The following SCAF4 variants were observed in gnomAD, a reference collection of about 807,000 sequenced individuals.
SCAF4 encodes SR-related and CTD-associated factor 4.
SCAF4 carries 25 observed loss-of-function variants against 129.8 expected under a neutral mutation model. The ratio of observed to expected loss-of-function variants is 0.19; its 90% CI spans 0.14 to 0.27. The LOEUF is 0.27. SCAF4 is among the 10% of genes least tolerant of loss of function. The probability of loss-of-function intolerance (pLI) is 1.00; values close to 1 mark genes in which losing one functional copy is unlikely to be tolerated. For missense variants in SCAF4, 1,246 were observed against 1,457.1 expected (o/e 0.86, Z 2.36); for synonymous variants, 551 against 497.7 (o/e 1.11, Z -1.43).
At chr21:31,721,351 T>G (rs571254715) in intron 1 of SCAF4, among the ~76,000 whole-genome samples, 1 of 152,216 alleles carries the variant, frequency 6.6e-6, no homozygotes, top group Non-Finnish European at 1.5e-5. Flanking sequence ...AACTAAGTCA[T>G]GTATGGCCAT....
chr21:31,680,576 CTTATAAT>C (rs2049972922), intron 19 of SCAF4, among the ~76,000 whole-genome samples: 1 of 152,094 alleles, frequency 6.6e-6, no homozygotes, highest in Non-Finnish European at 1.5e-5. Flanking sequence ...ATCACTCTAG[CTTATAAT>C]TTAATGTAAC....
At chr21:31,698,069 G>A (rs546115932) in intron 7 of SCAF4, among the ~76,000 whole-genome samples, 2 of 152,146 alleles carry the variant, frequency 1.3e-5, no homozygotes, top group African/African-American at 2.4e-5. Flanking sequence ...GGTCAAAGTC[G>A]CCTATAAAAA....
At chr21:31,693,968 C>T (rs1463930670) in intron 11 of SCAF4, among the ~76,000 whole-genome samples, 2 of 151,462 alleles carry the variant, frequency 1.3e-5, no homozygotes, top group African/African-American at 2.4e-5. Context: ...ATTATATCTT[C>T]AAAATTCCGT....
chr21:31,717,864 C>CACACACATAT (rs1484151171), intron 1 of SCAF4, among the ~76,000 whole-genome samples: 6 of 121,996 alleles, frequency 4.9e-5, no homozygotes, highest in Non-Finnish European at 8.2e-5. Flanking sequence ...CACACACACA[C>CACACACATAT]ACACACATAT....
chr21:31,700,096 G>A (rs1026939449), intron 7 of SCAF4, among the ~76,000 whole-genome samples: 1 of 151,400 alleles, frequency 6.6e-6, no homozygotes, highest in African/African-American at 2.4e-5. Flanking sequence ...GGGTAGCTAG[G>A]GCTACAGGTG....
chr21:31,690,270 A>G (rs1274607059), intron 15 of SCAF4, among the ~76,000 whole-genome samples: 1 of 152,072 alleles, frequency 6.6e-6, no homozygotes, highest in Admixed American at 6.5e-5. Context: ...GGATCATTTG[A>G]GGTCAGGAGT....
At chr21:31,703,258 T>G (rs1035820712) in intron 4 of SCAF4, among the ~76,000 whole-genome samples, 1 of 152,122 alleles carries the variant, frequency 6.6e-6, no homozygotes, top group African/African-American at 2.4e-5. Context: ...CACAAGCACA[T>G]CTTTCCAACG....
chr21:31,685,027 A>G (rs2050083497), intron 19 of SCAF4, 22 bp downstream of exon 19: 2 of 1,444,822 alleles, frequency 1.4e-6, no homozygotes, highest in Non-Finnish European at 1.9e-6. Context: ...AGGAAAACTA[A>G]TGATAAAAAA....
chr21:31,727,444 A>G (rs1409325631), intron 1 of SCAF4, among the ~76,000 whole-genome samples: 2 of 152,214 alleles, frequency 1.3e-5, no homozygotes, highest in African/African-American at 4.8e-5. Context: ...GCAAGATACA[A>G]TTCTTCAGGA....
chr21:31,728,860 A>G (rs1355727523), intron 1 of SCAF4, among the ~76,000 whole-genome samples: 2 of 151,920 alleles, frequency 1.3e-5, no homozygotes, highest in African/African-American at 2.4e-5. Context: ...AATCAAACAC[A>G]TTTTCTTCTC....
Position 31,712,884 on chromosome 21 carries a change from T to C in SCAF4, c.31-6527A>G, listed in dbSNP as rs1419059121. 7 of 973,136 alleles carry C rather than the reference T, an allele frequency of 7.2e-6. No homozygotes were observed. In the South Asian group the frequency reaches 1.9e-4, roughly 26 times the overall value. The allele number at this position is 973,136 out of a possible 1,614,324, so 60.3% of individuals were successfully genotyped here. A position where few individuals can be genotyped will look rare whatever the true frequency, so the allele number is the denominator to read the frequency against. ...ATGGCCTTCTTTATAAAACTGTTAATAGCATGAAATGAAAGCATCTAAAAT... is the reference window on the plus strand; with the variant it reads ...ATGGCCTTCTTTATAAAACTGTTAACAGCATGAAATGAAAGCATCTAAAAT... On this transcript the variant is annotated intron_variant, in intron 1 of 19. Coordinates refer to ENST00000286835, the MANE Select transcript of SCAF4 (RefSeq NM_020706.2).
At chr21:31,692,184 G>T in intron 13 of SCAF4, 165 bp downstream of exon 13, 1 of 595,426 alleles carries the variant, frequency 1.7e-6, no homozygotes. Flanking sequence ...AGAATTCTAA[G>T]AAATGTTAAA....
At chr21:31,699,116 TA>T (rs2050457135) in intron 7 of SCAF4, among the ~76,000 whole-genome samples, 1 of 152,038 alleles carries the variant, frequency 6.6e-6, no homozygotes, top group Admixed American at 6.5e-5. Context: ...GATGCAGAAA[TA>T]AACAAATATA....
intron 4 of SCAF4, 45 bp downstream of exon 4, chr21:31,703,720 A>G (rs2050588332): frequency 3.8e-6 from 4 of 1,048,928 alleles, no homozygotes; most frequent in Non-Finnish European, 2.7e-6. Context: ...ATTTAAAATA[A>G]TATTTTTTAA....
intron 7 of SCAF4, among the ~76,000 whole-genome samples, chr21:31,699,315 G>C (rs943337198): frequency 1.3e-5 from 2 of 152,020 alleles, no homozygotes; most frequent in Admixed American, 6.6e-5. Context: ...CTAGAATATA[G>C]AAATCTTTTC....
At chr21:31,714,247 C>T (rs2050873715) in intron 1 of SCAF4, among the ~76,000 whole-genome samples, 1 of 152,130 alleles carries the variant, frequency 6.6e-6, no homozygotes, top group Non-Finnish European at 1.5e-5. Flanking sequence ...AGGTGCAGAG[C>T]TCCCCCAACA....
At chr21:31,691,723 C>A in intron 14 of SCAF4, 94 bp downstream of exon 14, 12 of 399,626 alleles carry the variant, frequency 3.0e-5, no homozygotes, top group East Asian at 8.3e-5. Context: ...TGTTGAAAGT[C>A]ATTTCGAAGA....
At chr21:31,703,027 A>G (rs1044094280) in intron 4 of SCAF4, among the ~76,000 whole-genome samples, 3 of 152,132 alleles carry the variant, frequency 2.0e-5, no homozygotes, top group East Asian at 3.9e-4. Flanking sequence ...GTCAGCTACT[A>G]TATCTGTAAT....
At chr21:31,678,728 C>T (rs2049924962) in intron 19 of SCAF4, among the ~76,000 whole-genome samples, 1 of 152,180 alleles carries the variant, frequency 6.6e-6, no homozygotes, top group Non-Finnish European at 1.5e-5. Context: ...ACATTCCTTT[C>T]CTCTGTATTT....
Sources: allele counts gnomAD v4.1 joint callset (sites outside exome capture counted in the v4.1 genomes callset), GRCh38; gene constraint gnomAD v4.1.1; transcripts MANE v1.5; gene names NCBI Gene and HGNC (gene_info 2026-07-23, HGNC 2026-07-21).